Variants in APBB2 observed in about 807,000 individuals in gnomAD.
The protein encoded by APBB2 is Fe65-like 1.
In APBB2, 38 loss-of-function variants were observed where a neutral mutation model predicts 82.5. That is an observed-to-expected ratio of 0.46 (90% CI 0.36 to 0.60). The LOEUF (loss-of-function observed/expected upper bound fraction) is 0.60. Ranked by LOEUF, APBB2 falls within the 20% of genes least tolerant of loss-of-function variation. The pLI, the probability that APBB2 is intolerant of heterozygous loss-of-function variation, is 0.00. For synonymous variants in APBB2, 341 were observed against 368.2 expected, an observed-to-expected ratio of 0.93 and a Z score of 0.85; for missense variants, 772 against 972.3, an observed-to-expected ratio of 0.79 and a Z score of 2.74.
chr4:40,957,740 C>T (rs1250775987), intron 6 of APBB2, among the ~76,000 whole-genome samples: 4 of 152,068 alleles, frequency 2.6e-5, no homozygotes, highest in South Asian at 2.1e-4. Context: ...CCTACCACCA[C>T]GCCCGGCTAA....
intron 6 of APBB2, among the ~76,000 whole-genome samples, chr4:40,974,884 C>A (rs1164600391): frequency 6.6e-6 from 1 of 152,210 alleles, no homozygotes; most frequent in African/African-American, 2.4e-5. Flanking sequence ...TTGATCATTT[C>A]TCTGCTTTAT....
chr4:40,843,927 G>C (rs757235312), intron 12 of APBB2, among the ~76,000 whole-genome samples: 5 of 152,172 alleles, frequency 3.3e-5, no homozygotes, highest in Non-Finnish European at 7.3e-5. Flanking sequence ...ACCCATGATG[G>C]GTACTCCACC....
In APBB2 at chr4:40,832,049, C is replaced by CAT. The variant is rs1752192840; in HGVS notation, c.1530-1473_1530-1472insAT. On this transcript the variant is annotated intron_variant, in intron 12 of 17. Transcript: ENST00000508593. The surrounding 1 kb of genome is among the most constrained non-coding windows in gnomAD (Gnocchi z 4.8). Reference sequence around the variant, plus strand: ...ACACACACACACACACACACACACACACATATACACCAAGCTTTACCCATC... The same window carrying CAT: ...ACACACACACACACACACACACACACATACATATACACCAAGCTTTACCCATC... Among the ~76,000 whole-genome samples, 3 of 151,518 alleles carry CAT rather than the reference C, an allele frequency of 2.0e-5. No homozygotes were observed. The highest frequency in any genetic ancestry group is 7.3e-5 in the African/African-American group (3 of 41,226).
intron 16 of APBB2, among the ~76,000 whole-genome samples, chr4:40,823,010 G>A (rs895560505): frequency 2.0e-5 from 3 of 152,298 alleles, no homozygotes; most frequent in East Asian, 1.9e-4. Flanking sequence ...AGGGTGAACC[G>A]GGCAGCTGTG....
intron 12 of APBB2, among the ~76,000 whole-genome samples, chr4:40,858,785 G>A (rs35028482): frequency 0.37 from 55,781 of 151,824 alleles, 11,270 homozygotes; most frequent in Non-Finnish European, 0.47. Flanking sequence ...TCTTTCTAGG[G>A]AGGGCAAGAT....
At chr4:41,043,438 A>T (rs1397326061) in intron 4 of APBB2, among the ~76,000 whole-genome samples, 1 of 152,228 alleles carries the variant, frequency 6.6e-6, no homozygotes, top group South Asian at 2.1e-4. Context: ...CAATGCTTTC[A>T]ATTTTTCTGT....
chr4:40,907,348 CATATATATATATATAT>C (rs56302731), intron 10 of APBB2, among the ~76,000 whole-genome samples: 1 of 97,332 alleles, frequency 1.0e-5, no homozygotes. Context: ...TAATATATTA[CATATATATATATATAT>C]ATATATATAT....
chr4:41,054,375 G>C (rs1309052336), intron 4 of APBB2, among the ~76,000 whole-genome samples: 3 of 151,966 alleles, frequency 2.0e-5, no homozygotes, highest in African/African-American at 7.3e-5. Context: ...GAAAATCAGG[G>C]TTCAGGACTG....
intron 4 of APBB2, among the ~76,000 whole-genome samples, chr4:41,062,262 T>C (rs1730128259): frequency 6.6e-6 from 1 of 152,056 alleles, no homozygotes. Flanking sequence ...AACCTCCGCC[T>C]CCCAGGTTCA....
At chr4:41,202,396 C>T (rs190141090) in intron 1 of APBB2, among the ~76,000 whole-genome samples, 116 of 152,256 alleles carry the variant, frequency 7.6e-4, no homozygotes, top group African/African-American at 2.7e-3. Flanking sequence ...AGAAACACCC[C>T]TGAAATGCAC....
chr4:40,901,346 C>T (rs1225620113), intron 10 of APBB2, among the ~76,000 whole-genome samples: 1 of 151,624 alleles, frequency 6.6e-6, no homozygotes, highest in Non-Finnish European at 1.5e-5. Context: ...TCATAGCCAG[C>T]TATGCCAATC....
At chr4:41,161,976 A>G (rs1266370300) in intron 1 of APBB2, among the ~76,000 whole-genome samples, 1 of 152,134 alleles carries the variant, frequency 6.6e-6, no homozygotes, top group Non-Finnish European at 1.5e-5. Flanking sequence ...CCTTATTTCC[A>G]CATTTATCTA....
intron 12 of APBB2, among the ~76,000 whole-genome samples, chr4:40,888,457 G>T (rs1375960628): frequency 6.6e-6 from 1 of 152,020 alleles, no homozygotes; most frequent in Non-Finnish European, 1.5e-5. Context: ...CCACACTTTG[G>T]CTCCTGCCTC....
intron 7 of APBB2, among the ~76,000 whole-genome samples, chr4:40,941,772 A>C (rs1243315405): frequency 2.0e-5 from 3 of 152,132 alleles, no homozygotes; most frequent in Non-Finnish European, 4.4e-5. Flanking sequence ...CTTGGGCTAC[A>C]GGCACATACC....
intron 6 of APBB2, among the ~76,000 whole-genome samples, chr4:40,988,691 T>C (rs560488195): frequency 6.9e-6 from 1 of 144,538 alleles, no homozygotes; most frequent in Non-Finnish European, 1.5e-5. Flanking sequence ...CAGGGGCTAC[T>C]ATGCGGTATA....
chr4:40,854,187 G>A lies in APBB2; in HGVS notation c.1530-23610C>T, dbSNP rs112788453. On this transcript the variant is annotated intron_variant, in intron 12 of 17. Transcript: ENST00000508593. ...TTCATCAACTGGGTTATTTATGGAGGGCATCCTATACTAGGTACTATGTTA... is the reference window on the plus strand; with the variant it reads ...TTCATCAACTGGGTTATTTATGGAGAGCATCCTATACTAGGTACTATGTTA... Among the ~76,000 whole-genome samples the A allele has an allele frequency of 3.3e-5, 5 of 152,236 alleles. 1 individual carries two copies. Among genetic ancestry groups the A allele is most frequent in the African/African-American group, 1.2e-4 (5 of 41,554 alleles).
intron 12 of APBB2, among the ~76,000 whole-genome samples, chr4:40,841,790 T>C (rs1430414591): frequency 1.3e-5 from 2 of 152,194 alleles, no homozygotes; most frequent in Non-Finnish European, 2.9e-5. Context: ...GTGGTTCTCC[T>C]GCCTAGGCCT....
chr4:41,103,142 A>G (rs1159099932), intron 2 of APBB2, among the ~76,000 whole-genome samples: 1 of 152,256 alleles, frequency 6.6e-6, no homozygotes, highest in Non-Finnish European at 1.5e-5. Flanking sequence ...AATTTAAAAA[A>G]GATTGTCTTT....
intron 7 of APBB2, chr4:40,935,388 A>G: frequency 2.1e-6 from 1 of 470,028 alleles, no homozygotes; most frequent in Non-Finnish European, 3.7e-6. Context: ...CATTATTAGA[A>G]GCAGACAGTG....
Sources: allele counts gnomAD v4.1 joint callset (sites outside exome capture counted in the v4.1 genomes callset), GRCh38; gene constraint gnomAD v4.1.1; non-coding constraint Gnocchi (gnomAD v3.1); transcripts MANE v1.5; gene names NCBI Gene and HGNC (gene_info 2026-07-23, HGNC 2026-07-21).